Variants in TANC2 observed in about 807,000 individuals in gnomAD.
The protein encoded by TANC2 is protein TANC2.
Under a neutral mutation model 210.5 loss-of-function variants are expected in TANC2, and 26 were observed. That is an observed-to-expected ratio of 0.12 (90% CI 0.09 to 0.17). TANC2 has a LOEUF of 0.17. TANC2 is among the 10% of genes least tolerant of loss of function. The pLI, the probability that TANC2 is intolerant of heterozygous loss-of-function variation, is 1.00. For synonymous variants in TANC2, 931 were observed against 967.1 expected (o/e 0.96, Z 0.69); for missense variants, 2,129 against 2,608.9 (o/e 0.82, Z 4.01).
chr17:63,358,379 ATGTGTGTGTGTG>A (rs375498280), intron 14 of TANC2, among the ~76,000 whole-genome samples: 1 of 139,540 alleles, frequency 7.2e-6, no homozygotes. Context: ...GAGAGAGAGT[ATGTGTGTGTGTG>A]TGTGTGTGTG....
At chr17:63,166,784 GCTT>G (rs1364018475) in intron 5 of TANC2, among the ~76,000 whole-genome samples, 6 of 152,122 alleles carry the variant, frequency 3.9e-5, no homozygotes, top group Non-Finnish European at 1.5e-5. Context: ...GGCTACAAAA[GCTT>G]CTTTTCTCAT....
intron 8 of TANC2, among the ~76,000 whole-genome samples, chr17:63,252,377 C>T (rs2043075819): frequency 6.6e-6 from 1 of 151,936 alleles, no homozygotes; most frequent in Non-Finnish European, 1.5e-5. Flanking sequence ...AACGTTCCAA[C>T]TATTCTCTTT....
chr17:63,042,522 CTT>C (rs1393626793), intron 2 of TANC2, among the ~76,000 whole-genome samples: 1 of 151,992 alleles, frequency 6.6e-6, no homozygotes, highest in Non-Finnish European at 1.5e-5. Flanking sequence ...TTTAAGATAT[CTT>C]TTGTTGAAAG....
At chr17:63,109,451 G>C (rs1217135622) in intron 4 of TANC2, among the ~76,000 whole-genome samples, 1 of 151,584 alleles carries the variant, frequency 6.6e-6, no homozygotes, top group Non-Finnish European at 1.5e-5. Flanking sequence ...CCTTGAATGA[G>C]ATGGAAGAAA....
intron 5 of TANC2, chr17:63,155,272 A>C: frequency 6.6e-6 from 1 of 152,100 alleles, no homozygotes; most frequent in East Asian, 1.9e-4. Flanking sequence ...AGATTAAGTG[A>C]AATATAATGT....
At chr17:63,194,949 T>G (rs1487835124) in intron 6 of TANC2, among the ~76,000 whole-genome samples, 1 of 152,202 alleles carries the variant, frequency 6.6e-6, no homozygotes, top group African/African-American at 2.4e-5. Flanking sequence ...AGCGTGAATG[T>G]CTGATAGTGA....
At chr17:63,017,054 G>A (rs1026230696) in intron 2 of TANC2, among the ~76,000 whole-genome samples, 1 of 152,024 alleles carries the variant, frequency 6.6e-6, no homozygotes, top group African/African-American at 2.4e-5. Flanking sequence ...TAAGAGTTAT[G>A]GTTTTAACTC....
chr17:63,205,464 A>G (rs2041679901), intron 7 of TANC2, among the ~76,000 whole-genome samples: 1 of 151,444 alleles, frequency 6.6e-6, no homozygotes. Context: ...GATATAGGAG[A>G]GGAACAGAGA....
intron 1 of TANC2, chr17:62,967,784 G>A (rs964777132): frequency 2.6e-5 from 4 of 151,730 alleles, no homozygotes; most frequent in Admixed American, 6.6e-5. Context: ...TATAGAGAAC[G>A]GCAGTACTAA....
In TANC2 at chr17:63,264,868, A is replaced by G. The variant is rs538598521; in HGVS notation, c.1034-2880A>G. Among the ~76,000 whole-genome samples the G allele has an allele frequency of 1.2e-3, 179 of 152,164 alleles. 1 individual carries two copies. Among genetic ancestry groups the G allele is most frequent in the African/African-American group, 4.1e-3 (172 of 41,520 alleles). The stretch of plus-strand genomic sequence containing the variant: ...CAGCTACTTGGGAGTCTGAAGTGGG[A>G]GGAGACCCTGAGCCTGGGAGGTCAA... On this transcript the variant is annotated intron_variant, in intron 8 of 27. Coordinates refer to ENST00000689528, the Ensembl canonical transcript of TANC2.
intron 3 of TANC2, among the ~76,000 whole-genome samples, chr17:63,079,825 GTCTC>G (rs1327708769): frequency 6.6e-6 from 1 of 152,128 alleles, no homozygotes; most frequent in Non-Finnish European, 1.5e-5. Flanking sequence ...TCTCTGATCT[GTCTC>G]TCTGGTACAG....
chr17:63,167,901 A>C (rs2040267627), intron 5 of TANC2, among the ~76,000 whole-genome samples: 1 of 151,138 alleles, frequency 6.6e-6, no homozygotes, highest in South Asian at 2.1e-4. Flanking sequence ...AAAAAAAAAA[A>C]AAAAAAAAGA....
intron 3 of TANC2, among the ~76,000 whole-genome samples, chr17:63,091,919 C>T (rs928723856): frequency 6.6e-6 from 1 of 152,042 alleles, no homozygotes; most frequent in Non-Finnish European, 1.5e-5. Context: ...CCTTGAAGAG[C>T]TCCTTCATAT....
chr17:62,982,359 A>C (rs2032347644), intron 1 of TANC2, among the ~76,000 whole-genome samples: 1 of 152,196 alleles, frequency 6.6e-6, no homozygotes, highest in Non-Finnish European at 1.5e-5. Context: ...TTTATACTTA[A>C]AAACAAAAAA....
At chr17:63,256,900 A>G (rs1466580025) in intron 8 of TANC2, among the ~76,000 whole-genome samples, 1 of 152,108 alleles carries the variant, frequency 6.6e-6, no homozygotes, top group Non-Finnish European at 1.5e-5. Flanking sequence ...TTGTCTTGAA[A>G]TCTATTTTGT....
chr17:63,138,426 G>A (rs1251580534), intron 4 of TANC2, among the ~76,000 whole-genome samples: 1 of 152,176 alleles, frequency 6.6e-6, no homozygotes, highest in African/African-American at 2.4e-5. Context: ...AATTGAGCTT[G>A]AGAAACTTCA....
At position 63,420,276 on chromosome 17, in the gene TANC2, C is replaced by G. The variant is rs756059493; in HGVS notation, c.4546C>G (p.Arg1516Gly). Residue 1516 changes from arginine (R) to glycine (G), a missense_variant, in exon 28 of 28, where the codon CGG (arginine) becomes GGG (glycine). Physicochemically the swap from Arg to Gly is moderately radical, Grantham distance 125 (BLOSUM62 -2). Coordinates refer to ENST00000689528, the Ensembl canonical transcript of TANC2. The surrounding 1 kb of genome is among the most constrained non-coding windows in gnomAD (Gnocchi z 4.2). ...TTCCATTGGCCTCCAGACAGAGGCCCGGCCCAGCCAGGGGCTCCCGGTCAT... is the reference window on the plus strand; with the variant it reads ...TTCCATTGGCCTCCAGACAGAGGCCGGGCCCAGCCAGGGGCTCCCGGTCAT... The G allele has an allele frequency of 1.2e-6, 2 of 1,613,732 alleles. No individual in the cohort carries two copies. Among genetic ancestry groups the G allele is most frequent in the African/African-American group, 1.3e-5 (1 of 74,918 alleles).
intron 7 of TANC2, among the ~76,000 whole-genome samples, chr17:63,235,383 A>G (rs1223416189): frequency 6.6e-6 from 1 of 152,096 alleles, no homozygotes; most frequent in Non-Finnish European, 1.5e-5. Flanking sequence ...ACGGGAACTT[A>G]TCTTCCAAAA....
At chr17:63,154,989 G>A (rs576709149) in intron 5 of TANC2, 2 of 152,194 alleles carry the variant, frequency 1.3e-5, no homozygotes, top group South Asian at 2.1e-4. Flanking sequence ...CTAAGGAGGG[G>A]AGACTTTGAA....
Sources: gnomAD v4.1 joint callset for allele counts (sites outside exome capture counted in the v4.1 genomes callset) on GRCh38, gnomAD v4.1.1 for gene constraint, Gnocchi (gnomAD v3.1) non-coding constraint, MANE v1.5 for transcripts, NCBI Gene and HGNC (gene_info 2026-07-23, HGNC 2026-07-21) for gene names.